SLC26A5: variants seen among roughly 807,000 people sequenced by gnomAD.
SLC26A5 encodes solute carrier family 26 member 5.
SLC26A5 carries 51 observed loss-of-function variants against 81.0 expected under a neutral mutation model. That is an observed-to-expected ratio of 0.63 (90% CI 0.50 to 0.80). The LOEUF (loss-of-function observed/expected upper bound fraction) is 0.80, where lower values mean the gene tolerates loss of function less well. Among genes scored for constraint, SLC26A5 ranks in the 30% least tolerant of loss-of-function variants. The probability of loss-of-function intolerance (pLI) is 0.00; values close to 1 mark genes in which losing one functional copy is unlikely to be tolerated. For synonymous variants in SLC26A5, 325 were observed against 332.8 expected, an observed-to-expected ratio of 0.98 and a Z score of 0.25; for missense variants, 771 against 905.8, an observed-to-expected ratio of 0.85 and a Z score of 1.91.
In SLC26A5 at chr7:103,380,548, G is replaced by C; in HGVS notation, c.1516C>G (p.Pro506Ala). The C allele has an allele frequency of 6.2e-7, 1 of 1,613,268 alleles. No homozygotes were observed. The highest frequency in any genetic ancestry group is 8.5e-7 in the Non-Finnish European group (1 of 1,179,320). ...LLTVIYRTQS[P>A]SYKVLGKLPE... ...AGCTTTCCAAGGACTTTGTAGCTTG[G>C]ACTGAAGATAAAGAGTGTTAAATAC... The change falls in exon 15 of 20, where the codon CCA becomes GCA. Residue 506 changes from proline to alanine, a missense_variant and splice_region_variant. Transcript: ENST00000306312.
intron 2 of SLC26A5, 59 bp from the exon 3 acceptor site, chr7:103,421,626 T>C: frequency 8.7e-7 from 1 of 1,145,200 alleles, no homozygotes; most frequent in Non-Finnish European, 1.3e-6. Flanking sequence ...TGACTTTTCC[T>C]AAGCATCTCT....
intron 8 of SLC26A5, among the ~76,000 whole-genome samples, chr7:103,406,971 C>G (rs1422693231): frequency 1.3e-5 from 2 of 152,154 alleles, no homozygotes; most frequent in Non-Finnish European, 2.9e-5. Context: ...CATTTCTTAT[C>G]CTTGCCGCTC....
intron 5 of SLC26A5, 36 bp from the exon 6 acceptor site, chr7:103,411,622 T>C (rs747073890): frequency 1.2e-6 from 2 of 1,612,798 alleles, no homozygotes; most frequent in African/African-American, 2.7e-5. Context: ...CTGTTCAGGG[T>C]TCAGAGTATC....
At chr7:103,361,206 G>A (rs531368089) in intron 19 of SLC26A5, among the ~76,000 whole-genome samples, 11 of 151,888 alleles carry the variant, frequency 7.2e-5, no homozygotes, top group South Asian at 6.2e-4. Flanking sequence ...TTTAAAGTCC[G>A]GGTGTGGTGG....
At chr7:103,419,667 A>G (rs1057509999) in intron 4 of SLC26A5, among the ~76,000 whole-genome samples, 4 of 151,896 alleles carry the variant, frequency 2.6e-5, no homozygotes, top group Admixed American at 1.3e-4. Context: ...CCTCCTGAGT[A>G]TCTGAGACTA....
intron 2 of SLC26A5, among the ~76,000 whole-genome samples, chr7:103,425,135 G>A (rs1432885999): frequency 6.6e-6 from 1 of 152,148 alleles, no homozygotes; most frequent in Non-Finnish European, 1.5e-5. Context: ...ACACAAGAGG[G>A]TGGTCACTTA....
intron 2 of SLC26A5, among the ~76,000 whole-genome samples, chr7:103,432,238 C>A (rs1052469889): frequency 2.6e-5 from 4 of 152,100 alleles, no homozygotes; most frequent in Admixed American, 2.0e-4. Flanking sequence ...TTTAAGTCTC[C>A]TTACTCACTT....
intron 2 of SLC26A5, among the ~76,000 whole-genome samples, chr7:103,440,106 T>C (rs1368081567): frequency 1.3e-5 from 2 of 152,178 alleles, no homozygotes; most frequent in African/African-American, 4.8e-5. Context: ...TTATTTTCTG[T>C]CTCTCTTCCC....
rs757706221 is a variant in SLC26A5 at position 103,389,035 on chromosome 7, A to G, written c.1487T>C (p.Leu496Pro). 6.2e-7 allele frequency: 1 copy of G among 1,613,458 alleles called. No individual in the cohort carries two copies. Reference protein sequence around the residue: ...YGLITAVIIALLTVIYRTQSP... With the variant: ...YGLITAVIIAPLTVIYRTQSP... Reference sequence around the variant, plus strand: ...CTGTGTTCTGTAAATCACAGTCAGCAGAGCAATGATCACAGCAGTGATCAA... The same window carrying G: ...CTGTGTTCTGTAAATCACAGTCAGCGGAGCAATGATCACAGCAGTGATCAA... Residue 496 changes from leucine to proline, a missense_variant, in exon 14 of 20, where the codon CTG (leucine) becomes CCG (proline). Leu to Pro is a moderately conservative substitution (Grantham distance 98). Transcript: ENST00000306312.
At chr7:103,366,555 A>G (rs1820730112) in intron 19 of SLC26A5, among the ~76,000 whole-genome samples, 1 of 152,224 alleles carries the variant, frequency 6.6e-6, no homozygotes, top group African/African-American at 2.4e-5. Flanking sequence ...TTGGTGCTCA[A>G]ACTTTCAAAT....
Position 103,389,310 on chromosome 7 carries a change from C to T in SLC26A5, c.1407+19G>A, listed in dbSNP as rs1348601023. On this transcript the variant is annotated intron_variant, in intron 13 of 19. Coordinates refer to ENST00000306312, the MANE Select transcript of SLC26A5 (RefSeq NM_198999.3). ...CTGCTCTATGACATATTAACAGAGC[C>T]ATCACCTTTGTTACTTACCAGCTCT... is the stretch of plus-strand genomic sequence containing the variant. 19 of 1,531,472 alleles carry T rather than the reference C, an allele frequency of 1.2e-5. No homozygotes were observed. Among genetic ancestry groups the T allele is most frequent in the Non-Finnish European group, 1.7e-5 (19 of 1,104,706 alleles). The allele number at this position is 1,531,472 out of a possible 1,614,324, so 94.9% of individuals were successfully genotyped here. A position where few individuals can be genotyped will look rare whatever the true frequency, so the allele number is the denominator to read the frequency against.
intron 2 of SLC26A5, among the ~76,000 whole-genome samples, chr7:103,439,810 T>C (rs1826740766): frequency 1.3e-5 from 2 of 152,190 alleles, no homozygotes; most frequent in African/African-American, 4.8e-5. Context: ...GCTTGGATGA[T>C]AGACGTGAGC....
At chr7:103,356,752 G>A (rs886468457) in intron 19 of SLC26A5, among the ~76,000 whole-genome samples, 1 of 151,904 alleles carries the variant, frequency 6.6e-6, no homozygotes, top group South Asian at 2.1e-4. Context: ...ACCTTTTGTT[G>A]TACTAATGTT....
chr7:103,353,395 C>T (rs1278889208), intron 19 of SLC26A5, among the ~76,000 whole-genome samples: 1 of 152,190 alleles, frequency 6.6e-6, no homozygotes, highest in African/African-American at 2.4e-5. Flanking sequence ...CAACCTCCGC[C>T]TCCTGGGTTC....
chr7:103,402,600 C>T (rs2116580368), intron 8 of SLC26A5, among the ~76,000 whole-genome samples: 1 of 151,982 alleles, frequency 6.6e-6, no homozygotes, highest in East Asian at 1.9e-4. Context: ...GGGATTTCAC[C>T]ATGTTGGCCA....
chr7:103,380,340 T>G, intron 15 of SLC26A5, 140 bp downstream of exon 15: 1 of 676,004 alleles, frequency 1.5e-6, no homozygotes. Context: ...TGAATCCATA[T>G]AGTAGATCAA....
At chr7:103,381,307 C>T (rs1472699660) in intron 14 of SLC26A5, among the ~76,000 whole-genome samples, 1 of 151,326 alleles carries the variant, frequency 6.6e-6, no homozygotes, top group Non-Finnish European at 1.5e-5. Flanking sequence ...CACATCTACA[C>T]ATAATGCATG....
chr7:103,369,622 A>G (rs1159473101), downstream of SLC26A5, among the ~76,000 whole-genome samples: 1 of 152,224 alleles, frequency 6.6e-6, no homozygotes, highest in Non-Finnish European at 1.5e-5. Context: ...TAGCATCAAC[A>G]TTGCCTAGGT....
chr7:103,395,522 AATTTTT>A (rs1823034499), intron 9 of SLC26A5, among the ~76,000 whole-genome samples: 2 of 96,810 alleles, frequency 2.1e-5, no homozygotes, highest in Admixed American at 1.2e-4. Flanking sequence ...TATATATATA[AATTTTT>A]TTTTTTTTTT....
Sources: allele counts gnomAD v4.1 joint callset (sites outside exome capture counted in the v4.1 genomes callset), GRCh38; gene constraint gnomAD v4.1.1; transcripts MANE v1.5; gene names NCBI Gene and HGNC (gene_info 2026-07-23, HGNC 2026-07-21).